ADGRB1: variants seen among roughly 807,000 people sequenced by gnomAD.
The protein encoded by ADGRB1 is brain-specific angiogenesis inhibitor 1.
In ADGRB1, 36 loss-of-function variants were observed where a neutral mutation model predicts 175.7. That is an observed-to-expected ratio of 0.20 (90% CI 0.16 to 0.27). The LOEUF is 0.27. Ranked by LOEUF, ADGRB1 falls within the 10% of genes least tolerant of loss-of-function variation. The probability of loss-of-function intolerance (pLI) is 1.00; values close to 1 mark genes in which losing one functional copy is unlikely to be tolerated. For synonymous variants in ADGRB1, 1,054 were observed against 979.4 expected (o/e 1.08, Z -1.42); for missense variants, 1,731 against 2,255.3 (o/e 0.77, Z 4.71).
In ADGRB1 at chr8:142,510,912, C is replaced by CCG; in HGVS notation, c.2676-20_2676-19insCG. The CCG allele has an allele frequency of 8.8e-5, 95 of 1,077,840 alleles. No individual in the cohort carries two copies. The highest frequency in any genetic ancestry group is 4.3e-4 in the Middle Eastern group (1 of 2,350). The allele number at this position is 1,077,840 out of a possible 1,614,324, so 66.8% of individuals were successfully genotyped here. A position where few individuals can be genotyped will look rare whatever the true frequency, so the allele number is the denominator to read the frequency against. ...GCTGACGCTCCGCCTGTCTCCCTCCCGTGTCCCGCCCGCCCCCAGACCCTC... is the reference window on the plus strand; with the variant it reads ...GCTGACGCTCCGCCTGTCTCCCTCCCCGGTGTCCCGCCCGCCCCCAGACCCTC... On this transcript the variant is annotated intron_variant, in intron 17 of 30. Coordinates refer to ENST00000517894, the MANE Select transcript of ADGRB1 (RefSeq NM_001702.3). This position sits in a 1 kb window ranked among gnomAD's most constrained non-coding sequence, Gnocchi z 6.3.
rs372259484 is a variant in ADGRB1 at position 142,544,448 on chromosome 8, C to T, written c.*31C>T. 5.2e-4 allele frequency: 756 copies of T among 1,443,486 alleles called. 5 individuals carry two copies. In the African/African-American group the frequency reaches 9.4e-3, roughly 18 times the overall value. 89.4% of individuals were successfully genotyped at this position (1,443,486 alleles called of 1,614,324 possible). On this transcript the variant is annotated 3_prime_UTR_variant, in exon 31 of 31. Coordinates refer to ENST00000517894, the MANE Select transcript of ADGRB1 (RefSeq NM_001702.3). ...TGGGCGGCGGCCACGCACTGGGCCA[C>T]GGAGGAGGGATGCTGCTCCGCCCGC...
chr8:142,523,950 C>A (rs1163563557), intron 22 of ADGRB1, among the ~76,000 whole-genome samples: 1 of 152,104 alleles, frequency 6.6e-6, no homozygotes, highest in African/African-American at 2.4e-5. Context: ...GTCAGGTGGC[C>A]TTGGCCCTGC....
Position 142,493,193 on chromosome 8 carries a change from G to T in ADGRB1, c.2675+2378G>T, listed in dbSNP as rs1369412549. Among the ~76,000 whole-genome samples, 1 of 152,072 alleles carries T rather than the reference G, an allele frequency of 6.6e-6. No individual in the cohort carries two copies. Among genetic ancestry groups the T allele is most frequent in the East Asian group, 1.9e-4 (1 of 5,170 alleles). On this transcript the variant is annotated intron_variant, in intron 17 of 30. Coordinates refer to ENST00000517894, the MANE Select transcript of ADGRB1 (RefSeq NM_001702.3). The surrounding 1 kb of genome is among the most constrained non-coding windows in gnomAD (Gnocchi z 5.0). ...AGCATCCCCTTTGTCCTCCAGGGCA[G>T]CAGGCTGTGAGGGGCCTGTCCAGTG... is the stretch of plus-strand genomic sequence containing the variant.
chr8:142,476,687 C>A lies in ADGRB1; in HGVS notation c.1049C>A (p.Pro350His), dbSNP rs770352166. 12 of 1,545,644 alleles carry A rather than the reference C, an allele frequency of 7.8e-6. No individual in the cohort carries two copies. The highest frequency in any genetic ancestry group is 7.2e-5 in the South Asian group (6 of 83,850). ...DELQQFGFPA[P>H]QTGDPAAEEW... ...CTGCAGCAGTTTGGGTTCCCAGCCC[C>A]CCAGACCGGTGAGCTGGCGGGAGGG... The change falls in exon 4 of 31, where the codon CCC (proline) becomes CAC (histidine). Residue 350 changes from proline to histidine, a missense_variant. Physicochemically the swap from Pro to His is moderately conservative, Grantham distance 77. Around this residue, in one of 8 missense-constraint regions of ADGRB1, gnomAD observed 178 missense variants for 227.8 expected, o/e 0.78. Transcript: ENST00000517894.
intron 17 of ADGRB1, among the ~76,000 whole-genome samples, chr8:142,499,331 G>A (rs1030906802): frequency 1.3e-5 from 2 of 152,230 alleles, no homozygotes; most frequent in Non-Finnish European, 2.9e-5. Flanking sequence ...ATTACGGAAC[G>A]AGAGTTGGGC....
chr8:142,506,443 T>C (rs534529073), intron 17 of ADGRB1, among the ~76,000 whole-genome samples: 25 of 152,222 alleles, frequency 1.6e-4, no homozygotes, highest in African/African-American at 6.0e-4. Flanking sequence ...CCTGGACACA[T>C]GGGGGTGGGG....
intron 11 of ADGRB1, among the ~76,000 whole-genome samples, chr8:142,483,677 C>G (rs978020832): frequency 6.8e-6 from 1 of 146,774 alleles, no homozygotes; most frequent in African/African-American, 2.5e-5. Flanking sequence ...TGGTCACACA[C>G]TGAGCCCTGA....
At chr8:142,485,653 C>A (rs1841632658) in intron 13 of ADGRB1, among the ~76,000 whole-genome samples, 1 of 152,228 alleles carries the variant, frequency 6.6e-6, no homozygotes, top group African/African-American at 2.4e-5. Context: ...GGGGCCTTGC[C>A]CAGTGCCTAT....
In ADGRB1 at chr8:142,504,813, G is replaced by A. The variant is rs1323986868; in HGVS notation, c.2676-6119G>A. Among the ~76,000 whole-genome samples the A allele has an allele frequency of 6.6e-6, 1 of 152,018 alleles. No individual in the cohort carries two copies. The highest frequency in any genetic ancestry group is 1.5e-5 in the Non-Finnish European group (1 of 67,970). On this transcript the variant is annotated intron_variant, in intron 17 of 30. Coordinates refer to ENST00000517894, the MANE Select transcript of ADGRB1 (RefSeq NM_001702.3). This position sits in a 1 kb window ranked among gnomAD's most constrained non-coding sequence, Gnocchi z 5.6. ...GCTCCTGAGGCCAGGCCTAGAAGCC[G>A]AAGCCTCTGCCTGCAGAGACACCAT... is the stretch of plus-strand genomic sequence containing the variant.
Position 142,543,420 on chromosome 8 carries a change from T to C in ADGRB1, c.4431T>C (p.Tyr1477=). Residue 1477 remains tyrosine (Y), a synonymous_variant, in exon 29 of 31, where the codon TAT becomes TAC. Transcript: ENST00000517894. This position sits in a 1 kb window ranked among gnomAD's most constrained non-coding sequence, Gnocchi z 4.4. ...VSSLERRKSR[Y]AELDFEKIMH... is the part of the protein sequence containing the mutation. ...CCCTGCAGCGGCGGAAGTCGCGGTA[T>C]GCAGAACTGGACTTTGAGGTGAGTT... 5.6e-6 allele frequency: 9 copies of C among 1,613,750 alleles called. No individual in the cohort carries two copies. Among genetic ancestry groups the C allele is most frequent in the Non-Finnish European group, 7.6e-6 (9 of 1,179,784 alleles).
In ADGRB1 at chr8:142,458,764, T is replaced by A. The variant is rs568174449; in HGVS notation, c.-219-5216T>A. The stretch of plus-strand genomic sequence containing the variant: ...AAGAACTTCCTGACCACAAGGGCAG[T>A]TTGACCCTGGAGAAGGTGATGAGAA... On this transcript the variant is annotated intron_variant, in intron 1 of 30. Coordinates refer to ENST00000517894, the MANE Select transcript of ADGRB1 (RefSeq NM_001702.3). Among the ~76,000 whole-genome samples, 9 of 152,272 alleles carry A rather than the reference T, an allele frequency of 5.9e-5. No individual in the cohort carries two copies. The South Asian group carries it at 1.9e-3, about 32-fold the overall frequency.
At chr8:142,462,390 C>T (rs560696092) in intron 1 of ADGRB1, among the ~76,000 whole-genome samples, 1 of 152,320 alleles carries the variant, frequency 6.6e-6, no homozygotes, top group South Asian at 2.1e-4. Context: ...GCCCATCCCA[C>T]TTTACAGATG....
At chr8:142,503,559 G>T (rs1228368767) in intron 17 of ADGRB1, among the ~76,000 whole-genome samples, 1 of 152,142 alleles carries the variant, frequency 6.6e-6, no homozygotes, top group African/African-American at 2.4e-5. Context: ...TGCAGCAGGT[G>T]CGGGTCTGCA....
chr8:142,537,209 C>A lies in ADGRB1; in HGVS notation c.3666+127C>A. ...CAACCCTGCTGAGAGGAGCTCTGAACCCAGTGTGCAGTTGGGGAAACTGAG... is the reference window on the plus strand; with the variant it reads ...CAACCCTGCTGAGAGGAGCTCTGAAACCAGTGTGCAGTTGGGGAAACTGAG... On this transcript the variant is annotated intron_variant, in intron 26 of 30. Coordinates refer to ENST00000517894, the MANE Select transcript of ADGRB1 (RefSeq NM_001702.3). The surrounding 1 kb of genome is among the most constrained non-coding windows in gnomAD (Gnocchi z 4.6). 1.4e-6 allele frequency: 1 copy of A among 700,934 alleles called. No individual in the cohort carries two copies. The highest frequency in any genetic ancestry group is 2.1e-6 in the Non-Finnish European group (1 of 471,914). 43.4% of individuals were successfully genotyped at this position (700,934 alleles called of 1,614,324 possible). A position where few individuals can be genotyped will look rare whatever the true frequency, so the allele number is the denominator to read the frequency against.
chr8:142,514,410 A>T (rs1380752013), intron 18 of ADGRB1, among the ~76,000 whole-genome samples: 1 of 152,152 alleles, frequency 6.6e-6, no homozygotes, highest in African/African-American at 2.4e-5. Flanking sequence ...CGACGGCCGG[A>T]AGGTTGAGTA....
At chr8:142,507,089 G>A (rs1467506232) in intron 17 of ADGRB1, among the ~76,000 whole-genome samples, 1 of 152,246 alleles carries the variant, frequency 6.6e-6, no homozygotes, top group African/African-American at 2.4e-5. Context: ...GACAATCGCT[G>A]CTTCCCTGAG....
chr8:142,490,294 T>C (rs1252539537), intron 16 of ADGRB1, among the ~76,000 whole-genome samples: 2 of 152,222 alleles, frequency 1.3e-5, no homozygotes, highest in African/African-American at 4.8e-5. Context: ...GCTGTGGCCA[T>C]CTCTGCTGTC....
intron 24 of ADGRB1, among the ~76,000 whole-genome samples, chr8:142,530,892 G>T (rs1353213917): frequency 1.3e-5 from 2 of 152,214 alleles, no homozygotes; most frequent in African/African-American, 4.8e-5. Context: ...CAGCTCCCGG[G>T]CCTTTCTGCT....
At chr8:142,536,926 CT>C (rs1396912558) in intron 25 of ADGRB1, 60 bp from the exon 26 acceptor site, 3 of 1,422,912 alleles carry the variant, frequency 2.1e-6, no homozygotes, top group Non-Finnish European at 1.9e-6. Context: ...CTCATCTGAT[CT>C]GGCGCTGGCG....
Sources: allele counts gnomAD v4.1 joint callset (sites outside exome capture counted in the v4.1 genomes callset), GRCh38; gene constraint gnomAD v4.1.1; regional missense constraint gnomAD v4.1.1; non-coding constraint Gnocchi (gnomAD v3.1); transcripts MANE v1.5; gene names NCBI Gene and HGNC (gene_info 2026-07-23, HGNC 2026-07-21).